FAR2: variants seen among roughly 807,000 people sequenced by gnomAD.
FAR2 encodes the protein fatty acyl-CoA reductase 2.
FAR2 carries 19 observed loss-of-function variants against 56.0 expected under a neutral mutation model. That is an observed-to-expected ratio of 0.34 (90% confidence interval 0.24 to 0.50). The LOEUF (loss-of-function observed/expected upper bound fraction) is 0.50, where lower values mean the gene tolerates loss of function less well. FAR2 is among the 20% of genes least tolerant of loss of function. The pLI is 0.98. For synonymous variants in FAR2, 219 were observed against 218.8 expected, an observed-to-expected ratio of 1.00 and a Z score of -0.01; for missense variants, 508 against 642.2, an observed-to-expected ratio of 0.79 and a Z score of 2.26.
At chr12:29,296,524 TA>T (rs1178302951) in intron 3 of FAR2, among the ~76,000 whole-genome samples, 2 of 152,238 alleles carry the variant, frequency 1.3e-5, no homozygotes, top group Non-Finnish European at 2.9e-5. Context: ...ACTGTTTATA[TA>T]GCTTTGCATT....
At chr12:29,215,949 T>C (rs1947616497) in intron 1 of FAR2, among the ~76,000 whole-genome samples, 1 of 152,190 alleles carries the variant, frequency 6.6e-6, no homozygotes. Flanking sequence ...GGGTTCACCC[T>C]TCTGCATCCT....
At chr12:29,238,470 T>A (rs1947975851) in intron 1 of FAR2, among the ~76,000 whole-genome samples, 1 of 152,220 alleles carries the variant, frequency 6.6e-6, no homozygotes, top group South Asian at 2.1e-4. Flanking sequence ...ATAAATATTT[T>A]AAAAATATCT....
At chr12:29,197,385 TAC>T in intron 1 of FAR2, among the ~76,000 whole-genome samples, 2 of 152,322 alleles carry the variant, frequency 1.3e-5, no homozygotes, top group Admixed American at 1.3e-4. Flanking sequence ...AGGCAAGGCT[TAC>T]AAGGATCAGG....
At chr12:29,178,907 A>G (rs555937849) in intron 1 of FAR2, among the ~76,000 whole-genome samples, 14 of 152,230 alleles carry the variant, frequency 9.2e-5, no homozygotes, top group African/African-American at 3.4e-4. Flanking sequence ...ACAGTTCTGG[A>G]GGCTAGATAT....
chr12:29,261,588 G>C (rs1948419259), intron 1 of FAR2, among the ~76,000 whole-genome samples: 1 of 152,150 alleles, frequency 6.6e-6, no homozygotes, highest in Non-Finnish European at 1.5e-5. Flanking sequence ...ACACCAAGTA[G>C]CTTTAGCCCA....
intron 1 of FAR2, among the ~76,000 whole-genome samples, chr12:29,270,170 A>C (rs1948591000): frequency 6.6e-6 from 1 of 152,220 alleles, no homozygotes; most frequent in Non-Finnish European, 1.5e-5. Context: ...ATTCCTTGAA[A>C]GCAGGAATCA....
chr12:29,262,645 GTAAA>G (rs1180300743), intron 1 of FAR2, among the ~76,000 whole-genome samples: 6 of 141,584 alleles, frequency 4.2e-5, no homozygotes, highest in East Asian at 2.1e-4. Flanking sequence ...AAATAAGTAA[GTAAA>G]TAAATAAATA....
chr12:29,218,026 A>C (rs1277135136), intron 1 of FAR2, among the ~76,000 whole-genome samples: 1 of 152,090 alleles, frequency 6.6e-6, no homozygotes, highest in South Asian at 2.1e-4. Flanking sequence ...TAATAAAATG[A>C]TACTGTAGAA....
intron 4 of FAR2, among the ~76,000 whole-genome samples, chr12:29,307,242 C>T (rs1178245268): frequency 6.6e-6 from 1 of 152,064 alleles, no homozygotes; most frequent in East Asian, 1.9e-4. Flanking sequence ...TAATATAGTA[C>T]TAAAGTTCTA....
chr12:29,259,700 T>C (rs1015607492), intron 1 of FAR2, among the ~76,000 whole-genome samples: 1 of 152,164 alleles, frequency 6.6e-6, no homozygotes, highest in Non-Finnish European at 1.5e-5. Flanking sequence ...AGAAGAGAAA[T>C]GAAAAATCTA....
chr12:29,209,397 A>G (rs1043309237), intron 1 of FAR2, among the ~76,000 whole-genome samples: 1 of 152,222 alleles, frequency 6.6e-6, no homozygotes, highest in Non-Finnish European at 1.5e-5. Flanking sequence ...TTGGGCTCCA[A>G]GTCTTCTAGA....
intron 1 of FAR2, among the ~76,000 whole-genome samples, chr12:29,169,988 CA>C (rs1361323609): frequency 6.6e-6 from 1 of 152,156 alleles, no homozygotes; most frequent in Admixed American, 6.5e-5. Flanking sequence ...ACTTTTTTAG[CA>C]AACTTTACTT....
intron 1 of FAR2, among the ~76,000 whole-genome samples, chr12:29,263,146 A>G (rs1948452384): frequency 6.6e-6 from 1 of 152,224 alleles, no homozygotes; most frequent in South Asian, 2.1e-4. Flanking sequence ...CCCCAGATAT[A>G]TAAAGCAAAT....
chr12:29,239,697 C>T (rs1591880557), intron 1 of FAR2, among the ~76,000 whole-genome samples: 2 of 152,176 alleles, frequency 1.3e-5, no homozygotes, highest in East Asian at 3.9e-4. Flanking sequence ...AGTGCAAAGG[C>T]AGAGAAATAT....
chr12:29,328,359 G>C (rs1033489188), intron 10 of FAR2, among the ~76,000 whole-genome samples: 3 of 152,158 alleles, frequency 2.0e-5, no homozygotes, highest in Admixed American at 6.5e-5. Flanking sequence ...ATTCCTCAGG[G>C]ATCTAGAGCT....
At chr12:29,308,067 A>C (rs1949282292) in intron 5 of FAR2, 1 of 399,150 alleles carries the variant, frequency 2.5e-6, no homozygotes, top group Admixed American at 4.3e-5. Context: ...GGAGAGCTTA[A>C]ATTAGCTTCT....
intron 1 of FAR2, among the ~76,000 whole-genome samples, chr12:29,172,201 G>C (rs112726747): frequency 2.7e-5 from 4 of 148,832 alleles, no homozygotes; most frequent in Non-Finnish European, 4.5e-5. Context: ...CTGCCCGGCC[G>C]CCCCACCGTC....
intron 1 of FAR2, among the ~76,000 whole-genome samples, chr12:29,201,561 A>G (rs1947412480): frequency 6.6e-6 from 1 of 152,204 alleles, no homozygotes; most frequent in Non-Finnish European, 1.5e-5. Context: ...TAATAGACTC[A>G]TCAAGGGAAG....
At chr12:29,274,127 T>TG (rs928582349) in intron 2 of FAR2, among the ~76,000 whole-genome samples, 11 of 152,046 alleles carry the variant, frequency 7.2e-5, no homozygotes, top group African/African-American at 2.7e-4. Flanking sequence ...TGTGCCATGT[T>TG]GGTGTGCTGC....
Sources: allele counts gnomAD v4.1 joint callset (sites outside exome capture counted in the v4.1 genomes callset), GRCh38; gene constraint gnomAD v4.1.1; transcripts MANE v1.5; gene names NCBI Gene and HGNC (gene_info 2026-07-23, HGNC 2026-07-21).